Variants in TYW3 observed in about 807,000 individuals in gnomAD.
TYW3 encodes the protein tRNA wybutosine-synthesizing protein 3 homolog.
In TYW3, 26 loss-of-function variants were observed where a neutral mutation model predicts 23.1. The observed-to-expected ratio is 1.13, with a 90% CI of 0.83 to 1.56. The LOEUF (loss-of-function observed/expected upper bound fraction) is 1.56. Among genes scored for constraint, TYW3 ranks in the 40% most tolerant of loss-of-function variants. TYW3 has a pLI of 0.00. For synonymous variants in TYW3, 102 were observed against 105.7 expected (o/e 0.97, Z 0.21); for missense variants, 316 against 311.9 (o/e 1.01, Z -0.10).
chr1:74,758,399 A>G (rs1235100973), intron 5 of TYW3, among the ~76,000 whole-genome samples: 1 of 152,176 alleles, frequency 6.6e-6, no homozygotes, highest in African/African-American at 2.4e-5. Context: ...CTTGGTTCCA[A>G]TTCTTATCAT....
chr1:74,764,194 T>A lies in TYW3; in HGVS notation c.*81T>A, dbSNP rs1316598177. ...CTCTTCATAAGAGTATTTTAGTTTGTTGAGTGTATCAGCCATTCATAAGCC... is the reference window on the plus strand; with the variant it reads ...CTCTTCATAAGAGTATTTTAGTTTGATGAGTGTATCAGCCATTCATAAGCC... On this transcript the variant is annotated 3_prime_UTR_variant, in exon 6 of 6. Coordinates refer to ENST00000370867, the MANE Select transcript of TYW3 (RefSeq NM_138467.3). The A allele has an allele frequency of 1.0e-5, 13 of 1,282,162 alleles. No individual in the cohort carries two copies. The South Asian group carries it at 1.7e-4, about 17-fold the overall frequency. The allele number at this position is 1,282,162 out of a possible 1,614,324, so 79.4% of individuals were successfully genotyped here.
At chr1:74,753,957 C>A (rs761878381) in intron 5 of TYW3, among the ~76,000 whole-genome samples, 31 of 152,142 alleles carry the variant, frequency 2.0e-4, no homozygotes, top group Non-Finnish European at 3.8e-4. Context: ...TCCAGCCACA[C>A]CCTGGTTGAG....
rs1449538539 is a variant in TYW3 at position 74,766,640 on chromosome 1, G to A, written c.*2527G>A. On this transcript the variant is annotated 3_prime_UTR_variant, in exon 6 of 6. Coordinates refer to ENST00000370867, the MANE Select transcript of TYW3 (RefSeq NM_138467.3). The stretch of plus-strand genomic sequence containing the variant: ...AAACCAAATGTTCATTGTGAGCCAA[G>A]GTTAATTTATTGAAGAAATAAAACA... 1.3e-5 allele frequency: 2 copies of A among 152,284 alleles called. No homozygotes were observed. Among genetic ancestry groups the A allele is most frequent in the South Asian group, 2.1e-4 (1 of 4,830 alleles). The allele number at this position is 152,284 out of a possible 1,614,324, so 9.4% of individuals were successfully genotyped here.
At position 74,736,592 on chromosome 1, in the gene TYW3, TACAC is replaced by T. The variant is rs1648161891; in HGVS notation, c.229_232del (p.His77AsnfsTer4). ...AACAAAACTGTTGCTGGCTACTGGT[TACAC>T]ACAAACTTTGTGTAAAAGATGATGT... On this transcript the variant is annotated frameshift_variant, in exon 2 of 6. Coordinates refer to ENST00000370867, the MANE Select transcript of TYW3 (RefSeq NM_138467.3). LOFTEE classifies it high-confidence loss of function. 13 of 1,604,430 alleles carry T rather than the reference TACAC, an allele frequency of 8.1e-6. No individual in the cohort carries two copies. The highest frequency in any genetic ancestry group is 2.7e-5 in the African/African-American group (2 of 74,802).
Position 74,752,308 on chromosome 1 carries a change from A to C in TYW3, c.443A>C (p.His148Pro). ...GKTMLAVRST[H>P]GLEVPLSHKG... is the part of the protein sequence containing the mutation. ...TCCTTGTAGGCTGTCCGGAGTACAC[A>C]TGGCTTAGAAGTTCCATTAAGCCAT... Residue 148 changes from histidine (H) to proline (P), a missense_variant, in exon 5 of 6, where the codon CAT (histidine) becomes CCT (proline). Transcript: ENST00000370867. 5 of 1,610,834 alleles carry C rather than the reference A, an allele frequency of 3.1e-6. No individual in the cohort carries two copies. The highest frequency in any genetic ancestry group is 4.2e-6 in the Non-Finnish European group (5 of 1,178,338).
intron 5 of TYW3, among the ~76,000 whole-genome samples, chr1:74,761,164 G>A (rs940843597): frequency 2.0e-5 from 3 of 151,980 alleles, no homozygotes; most frequent in Non-Finnish European, 4.4e-5. Context: ...ACTGTATAAG[G>A]GGAGAACATA....
At chr1:74,735,355 C>T (rs1648115525) in intron 1 of TYW3, among the ~76,000 whole-genome samples, 2 of 151,998 alleles carry the variant, frequency 1.3e-5, no homozygotes, top group Non-Finnish European at 2.9e-5. Flanking sequence ...AAATGTTTTC[C>T]TATCTCTGCA....
intron 4 of TYW3, 143 bp from the exon 5 acceptor site, chr1:74,752,149 G>A (rs1648805397): frequency 2.6e-6 from 2 of 773,532 alleles, no homozygotes; most frequent in Non-Finnish European, 3.8e-6. Context: ...ACTGTGCTCA[G>A]CTAAATTCTA....
intron 5 of TYW3, among the ~76,000 whole-genome samples, chr1:74,763,335 T>G (rs556804928): frequency 8.5e-5 from 13 of 152,200 alleles, no homozygotes; most frequent in Admixed American, 8.5e-4. Context: ...AAAATTTGAA[T>G]GTAAATAAAG....
chr1:74,745,468 T>C (rs2100762660), intron 3 of TYW3, among the ~76,000 whole-genome samples: 1 of 152,256 alleles, frequency 6.6e-6, no homozygotes, highest in Admixed American at 6.5e-5. Flanking sequence ...AGAGCACTGA[T>C]TGGTGCGTTT....
chr1:74,762,412 G>A (rs1227383323), intron 5 of TYW3, among the ~76,000 whole-genome samples: 1 of 152,134 alleles, frequency 6.6e-6, no homozygotes, highest in Non-Finnish European at 1.5e-5. Flanking sequence ...TCTCTGCAGT[G>A]GCAGGGGGGT....
At chr1:74,738,441 C>G (rs1648228630) in intron 2 of TYW3, among the ~76,000 whole-genome samples, 1 of 152,146 alleles carries the variant, frequency 6.6e-6, no homozygotes, top group African/African-American at 2.4e-5. Flanking sequence ...TAGTTTACTT[C>G]TTCAAAGCAC....
At chr1:74,759,190 T>A (rs1298409813) in intron 5 of TYW3, among the ~76,000 whole-genome samples, 3 of 152,084 alleles carry the variant, frequency 2.0e-5, no homozygotes, top group Non-Finnish European at 4.4e-5. Context: ...TTCTATAGCC[T>A]AAGGAAGAAG....
chr1:74,740,130 T>A (rs943516192), intron 3 of TYW3, among the ~76,000 whole-genome samples: 1 of 152,216 alleles, frequency 6.6e-6, no homozygotes, highest in African/African-American at 2.4e-5. Context: ...TTCTTAAAGA[T>A]GGTATGTCCG....
In TYW3 at chr1:74,752,233, G is replaced by A. The variant is rs184941094; in HGVS notation, c.427-59G>A. The A allele has an allele frequency of 1.5e-4, 232 of 1,521,894 alleles. No homozygotes were observed. The African/African-American group carries it at 2.9e-3, about 19-fold the overall frequency. 94.3% of individuals were successfully genotyped at this position (1,521,894 alleles called of 1,614,324 possible). On this transcript the variant is annotated intron_variant, in intron 4 of 5. Coordinates refer to ENST00000370867, the MANE Select transcript of TYW3 (RefSeq NM_138467.3). ...ACAGCCCTGACGGGACTTTTCTTGAGTTATTTTCAGTTTCTGTGGTATCTA... is the reference window on the plus strand; with the variant it reads ...ACAGCCCTGACGGGACTTTTCTTGAATTATTTTCAGTTTCTGTGGTATCTA...
chr1:74,762,697 A>G (rs909693852), intron 5 of TYW3, among the ~76,000 whole-genome samples: 7 of 152,172 alleles, frequency 4.6e-5, no homozygotes, highest in Admixed American at 4.6e-4. Context: ...GCTACAGGAT[A>G]ATAATATCCA....
chr1:74,738,893 C>A, intron 3 of TYW3, 105 bp downstream of exon 3: 1 of 677,112 alleles, frequency 1.5e-6, no homozygotes, highest in Non-Finnish European at 2.4e-6. Context: ...CCTTATTCAA[C>A]TAGTTATGTA....
chr1:74,753,211 CTT>C (rs1648848233), intron 5 of TYW3, among the ~76,000 whole-genome samples: 1 of 152,186 alleles, frequency 6.6e-6, no homozygotes, highest in Non-Finnish European at 1.5e-5. Context: ...TCTCTCCACT[CTT>C]TTGGCTACTT....
At chr1:74,740,183 C>T (rs149895213) in intron 3 of TYW3, among the ~76,000 whole-genome samples, 2,129 of 152,264 alleles carry the variant, frequency 0.014, 51 homozygotes, top group African/African-American at 0.049. Flanking sequence ...GGAGTTTCTT[C>T]CTTCCAGTGG....
Sources: allele counts gnomAD v4.1 joint callset (sites outside exome capture counted in the v4.1 genomes callset), GRCh38; gene constraint gnomAD v4.1.1; transcripts MANE v1.5; gene names NCBI Gene and HGNC (gene_info 2026-07-23, HGNC 2026-07-21).